Variants in AFF4 observed in about 807,000 individuals in gnomAD.
AFF4 encodes the protein ALF transcription elongation factor 4.
In AFF4, 13 loss-of-function variants were observed where a neutral mutation model predicts 124.8. The observed-to-expected ratio is 0.10, with a 90% confidence interval of 0.07 to 0.17. The LOEUF (loss-of-function observed/expected upper bound fraction) is 0.17, where lower values mean the gene tolerates loss of function less well. Among genes scored for constraint, AFF4 ranks in the 10% least tolerant of loss-of-function variants. AFF4 has a pLI of 1.00. For missense variants in AFF4, 1,092 were observed against 1,403.8 expected, an observed-to-expected ratio of 0.78 and a Z score of 3.55; for synonymous variants, 477 against 496.1, an observed-to-expected ratio of 0.96 and a Z score of 0.51.
chr5:132,936,784 G>A (rs1216290194), intron 2 of AFF4, among the ~76,000 whole-genome samples: 1 of 152,130 alleles, frequency 6.6e-6, no homozygotes, highest in Non-Finnish European at 1.5e-5. Flanking sequence ...CGACTTTTAG[G>A]GTGCTGGTAA....
chr5:132,910,278 T>C (rs1009107783), intron 5 of AFF4, among the ~76,000 whole-genome samples: 4 of 152,224 alleles, frequency 2.6e-5, no homozygotes, highest in African/African-American at 9.6e-5. Flanking sequence ...ATGAATATAC[T>C]AAACCAGCTC....
At chr5:132,891,922 C>T in intron 13 of AFF4, 1 of 592,304 alleles carries the variant, frequency 1.7e-6, no homozygotes, top group Non-Finnish European at 2.9e-6. Flanking sequence ...GCTGGGACTA[C>T]AGGTATGAGC....
At chr5:132,923,437 G>A (rs1761100644) in intron 5 of AFF4, among the ~76,000 whole-genome samples, 1 of 152,178 alleles carries the variant, frequency 6.6e-6, no homozygotes, top group African/African-American at 2.4e-5. Context: ...CAGTGAGTGA[G>A]TGAGTTAGTT....
At position 132,892,547 on chromosome 5, in the gene AFF4, T is replaced by A; in HGVS notation, c.2397-143A>T. The A allele has an allele frequency of 2.3e-6, 3 of 1,281,668 alleles. No homozygotes were observed. The South Asian group carries it at 4.5e-5, about 19-fold the overall frequency. The allele number at this position is 1,281,668 out of a possible 1,614,324, so 79.4% of individuals were successfully genotyped here. A position where few individuals can be genotyped will look rare whatever the true frequency, so the allele number is the denominator to read the frequency against. On this transcript the variant is annotated intron_variant, in intron 12 of 20. Transcript: ENST00000265343. ...GACACATGATTTCTATAAAACAAAA[T>A]AAGACTGTAAATTCCATGAAGGTAG... is the stretch of plus-strand genomic sequence containing the variant.
rs1256167534 is a variant in AFF4 at position 132,880,785 on chromosome 5, G to C, written c.*274C>G. 1 of 317,262 alleles carries C rather than the reference G, an allele frequency of 3.2e-6. No homozygotes were observed. The highest frequency in any genetic ancestry group is 4.8e-5 in the East Asian group (1 of 20,956). 19.7% of individuals were successfully genotyped at this position (317,262 alleles called of 1,614,324 possible). ...AATTTCAATTCATTAGTTATGAATT[G>C]CAACTGGAATTTCAATCTTATCATA... On this transcript the variant is annotated 3_prime_UTR_variant, in exon 21 of 21. Coordinates refer to ENST00000265343, the MANE Select transcript of AFF4 (RefSeq NM_014423.4).
At position 132,925,916 on chromosome 5, in the gene AFF4, A is replaced by G. The variant is rs79018097; in HGVS notation, c.1050+1205T>C. ...TGCTTTCTACCCTAAAGAAAATCAC[A>G]TGCACACAGAAGGCACCAACAAAGA... is the stretch of plus-strand genomic sequence containing the variant. On this transcript the variant is annotated intron_variant, in intron 5 of 20. Transcript: ENST00000265343. Among the ~76,000 whole-genome samples, 252 of 152,354 alleles carry G rather than the reference A, an allele frequency of 1.7e-3. 3 individuals are homozygous for G. In the East Asian group the frequency reaches 0.038, roughly 23 times the overall value.
At chr5:132,927,649 A>C (rs1009346710) in intron 4 of AFF4, 3 of 157,736 alleles carry the variant, frequency 1.9e-5, no homozygotes, top group Non-Finnish European at 4.2e-5. Context: ...ATTATGAGGT[A>C]GATACCATTA....
intron 5 of AFF4, among the ~76,000 whole-genome samples, chr5:132,923,140 C>T (rs1761089672): frequency 6.6e-6 from 1 of 152,042 alleles, no homozygotes; most frequent in African/African-American, 2.4e-5. Flanking sequence ...TGCACCACTG[C>T]ACTCCAGCCT....
At chr5:132,899,726 A>G (rs1285891239) in intron 7 of AFF4, 85 bp from the exon 8 acceptor site, 26 of 1,257,514 alleles carry the variant, frequency 2.1e-5, no homozygotes, top group Non-Finnish European at 2.8e-5. Context: ...AAAATTCTAG[A>G]AATAATCACT....
intron 4 of AFF4, 123 bp from the exon 5 acceptor site, chr5:132,927,330 T>TA: frequency 1.3e-6 from 1 of 766,230 alleles, no homozygotes; most frequent in South Asian, 1.7e-5. Flanking sequence ...TCTACATACT[T>TA]AGTCAATAAA....
chr5:132,928,817 A>G (rs1761238668), intron 4 of AFF4, among the ~76,000 whole-genome samples: 1 of 152,198 alleles, frequency 6.6e-6, no homozygotes, highest in Non-Finnish European at 1.5e-5. Context: ...AGACAAGGGC[A>G]CTTGATATAT....
chr5:132,890,092 G>A (rs1760216638), intron 13 of AFF4, among the ~76,000 whole-genome samples: 1 of 151,460 alleles, frequency 6.6e-6, no homozygotes. Context: ...GGAATGCATG[G>A]ATGTTTCAAC....
chr5:132,931,234 G>A (rs927331724), intron 4 of AFF4, among the ~76,000 whole-genome samples: 2 of 151,774 alleles, frequency 1.3e-5, no homozygotes, highest in South Asian at 4.1e-4. Context: ...TTCAAGACCA[G>A]CCCGGACAAA....
intron 2 of AFF4, among the ~76,000 whole-genome samples, 163 bp from the exon 3 acceptor site, chr5:132,935,104 C>A (rs1418292927): frequency 6.6e-6 from 1 of 151,474 alleles, no homozygotes. Flanking sequence ...CCAAATATAT[C>A]ATTTCTGTAG....
chr5:132,961,022 G>A (rs1762069515), intron 1 of AFF4, among the ~76,000 whole-genome samples: 1 of 151,814 alleles, frequency 6.6e-6, no homozygotes, highest in Non-Finnish European at 1.5e-5. Flanking sequence ...AGGAGTTCGA[G>A]ACCAGTCTGA....
At chr5:132,916,559 AT>A (rs1166101299) in intron 5 of AFF4, among the ~76,000 whole-genome samples, 2 of 152,162 alleles carry the variant, frequency 1.3e-5, no homozygotes, top group African/African-American at 4.8e-5. Context: ...CAAATCAATG[AT>A]CTTAATACTT....
At chr5:132,953,179 T>C (rs915343982) in intron 1 of AFF4, among the ~76,000 whole-genome samples, 1 of 151,020 alleles carries the variant, frequency 6.6e-6, no homozygotes, top group African/African-American at 2.4e-5. Flanking sequence ...AAAAAAAAAA[T>C]TGTATTATCT....
intron 1 of AFF4, among the ~76,000 whole-genome samples, chr5:132,938,114 T>A (rs1298490999): frequency 2.6e-5 from 4 of 151,102 alleles, no homozygotes; most frequent in South Asian, 2.1e-4. Context: ...GTTTTTTTTT[T>A]TAAAAAAAAA....
intron 5 of AFF4, among the ~76,000 whole-genome samples, chr5:132,908,782 T>A (rs934029291): frequency 1.4e-5 from 2 of 146,272 alleles, no homozygotes; most frequent in African/African-American, 5.0e-5. Context: ...ATATATTTTT[T>A]TTTTTTGAGA....
Sources: gnomAD v4.1 joint callset for allele counts (sites outside exome capture counted in the v4.1 genomes callset) on GRCh38, gnomAD v4.1.1 for gene constraint, MANE v1.5 for transcripts, NCBI Gene and HGNC (gene_info 2026-07-23, HGNC 2026-07-21) for gene names.